The following ZBTB17 variants were observed in gnomAD, a reference collection of about 807,000 sequenced individuals.
The protein encoded by ZBTB17 is zinc finger and BTB domain containing 17, also known as zinc finger and BTB domain-containing protein 17.
ZBTB17 carries 24 observed loss-of-function variants against 85.1 expected under a neutral mutation model. The observed-to-expected ratio is 0.28, with a 90% CI of 0.20 to 0.40. The LOEUF (loss-of-function observed/expected upper bound fraction) is 0.40. Ranked by LOEUF, ZBTB17 falls within the 10% of genes least tolerant of loss-of-function variation. ZBTB17 has a pLI of 1.00. For synonymous variants in ZBTB17, 464 were observed against 460.2 expected (o/e 1.01, Z -0.11); for missense variants, 743 against 1,105.1 (o/e 0.67, Z 4.65).
Position 15,943,403 on chromosome 1 carries a change from T to G in ZBTB17, c.1693A>C (p.Lys565Gln). ...GTGTGGGGGAGGGGGCAGGACCTCT[T>G]GCCGCAGCGCTCGCAGACGTAGGGC... ...EKPYVCERCG[K>Q]RFVQSSQLAN... The change falls in exon 12 of 16, where the codon AAG (lysine) becomes CAG (glutamine). Residue 565 changes from lysine (K) to glutamine (Q), a missense_variant. Coordinates refer to ENST00000375743, the MANE Select transcript of ZBTB17 (RefSeq NM_003443.3). The G allele has an allele frequency of 1.3e-6, 2 of 1,596,594 alleles. No individual in the cohort carries two copies. The highest frequency in any genetic ancestry group is 1.7e-6 in the Non-Finnish European group (2 of 1,170,896).
chr1:15,967,464 C>T (rs1028078613), intron 2 of ZBTB17, among the ~76,000 whole-genome samples: 2 of 146,610 alleles, frequency 1.4e-5, no homozygotes, highest in African/African-American at 2.5e-5. Flanking sequence ...GGATTGCTTG[C>T]GCCCAGGAGT....
rs149795722 is a variant in ZBTB17, at chr1:15,976,069, G to A, written c.-176C>T. ...CGGCACTCCAGAGCAGACAAAGGGC[G>A]CCGCCATGTTAGAGTCGGGCGGAAC... On this transcript the variant is annotated 5_prime_UTR_variant, in exon 1 of 16. Transcript: ENST00000375743. 5.7e-5 allele frequency: 39 copies of A among 688,466 alleles called. No homozygotes were observed. Among genetic ancestry groups the A allele is most frequent in the Admixed American group, 2.5e-4 (12 of 47,766 alleles). 42.6% of individuals were successfully genotyped at this position (688,466 alleles called of 1,614,324 possible).
chr1:15,971,400 A>C (rs1206212073), intron 2 of ZBTB17, among the ~76,000 whole-genome samples: 1 of 144,772 alleles, frequency 6.9e-6, no homozygotes, highest in African/African-American at 2.6e-5. Flanking sequence ...TATACACACT[A>C]TATATATACA....
In ZBTB17 at chr1:15,945,813, G is replaced by A. The variant is rs759468700; in HGVS notation, c.563C>T (p.Ala188Val). The change falls in exon 6 of 16, where the codon GCG (alanine) becomes GTG (valine). Residue 188 changes from alanine to valine, a missense_variant. This residue lies in a region of ZBTB17 where 279 missense variants were observed against 269.9 expected (regional missense o/e 1.03). Coordinates refer to ENST00000375743, the MANE Select transcript of ZBTB17 (RefSeq NM_003443.3). ...CTCCACAGGCGGCGGCTCCCGGGGC[G>A]CATCGGCTTTCTCTGTCTGCTCTGC... ...SGAEQTEKAD[A>V]PREPPPVELK... 54 of 1,601,164 alleles carry A rather than the reference G, an allele frequency of 3.4e-5. No individual in the cohort carries two copies. Among genetic ancestry groups the A allele is most frequent in the South Asian group, 6.6e-5 (6 of 90,712 alleles).
rs1181375603 is a variant in ZBTB17 at position 15,966,034 on chromosome 1, C to T, written c.-3+7005G>A. Among the ~76,000 whole-genome samples, 2 of 152,202 alleles carry T rather than the reference C, an allele frequency of 1.3e-5. No homozygotes were observed. The highest frequency in any genetic ancestry group is 2.9e-5 in the Non-Finnish European group (2 of 68,044). On this transcript the variant is annotated intron_variant, in intron 2 of 15. Coordinates refer to ENST00000375743, the MANE Select transcript of ZBTB17 (RefSeq NM_003443.3). This position sits in a 1 kb window ranked among gnomAD's most constrained non-coding sequence, Gnocchi z 4.1. The stretch of plus-strand genomic sequence containing the variant: ...CCTTATTCTTTACACTGAACACATT[C>T]TTTTGTATGGAGTCAACATTTAACA...
chr1:15,958,415 CAA>C (rs34593133), intron 2 of ZBTB17, among the ~76,000 whole-genome samples: 7 of 84,574 alleles, frequency 8.3e-5, no homozygotes, highest in Admixed American at 1.1e-4. Flanking sequence ...CCAATACGAC[CAA>C]AAAAAAAAAA....
At chr1:15,961,097 G>C (rs376523785) in intron 2 of ZBTB17, among the ~76,000 whole-genome samples, 1 of 152,254 alleles carries the variant, frequency 6.6e-6, no homozygotes, top group African/African-American at 2.4e-5. Context: ...CTGGGCAACA[G>C]AGTGAGACCC....
intron 2 of ZBTB17, among the ~76,000 whole-genome samples, chr1:15,961,565 C>G (rs1338530533): frequency 6.6e-6 from 1 of 152,348 alleles, no homozygotes; most frequent in African/African-American, 2.4e-5. Flanking sequence ...TGCTGTCCTA[C>G]AGCAGAGTTT....
intron 2 of ZBTB17, among the ~76,000 whole-genome samples, chr1:15,961,346 T>C (rs1026777299): frequency 6.6e-6 from 1 of 152,244 alleles, no homozygotes; most frequent in Non-Finnish European, 1.5e-5. Context: ...GAAATACATA[T>C]GGCAGAAGCC....
At chr1:15,967,279 G>C (rs1476935844) in intron 2 of ZBTB17, among the ~76,000 whole-genome samples, 1 of 151,870 alleles carries the variant, frequency 6.6e-6, no homozygotes, top group African/African-American at 2.4e-5. Context: ...GGGGGGCTGA[G>C]TCAGGAAGAT....
chr1:15,944,129 C>T (rs1314232526), intron 9 of ZBTB17, 171 bp downstream of exon 9: 2 of 1,145,632 alleles, frequency 1.7e-6, no homozygotes, highest in Non-Finnish European at 2.5e-6. Context: ...CGCAGAGCAA[C>T]CGGGAGCTCC....
At chr1:15,961,187 C>T (rs1352241968) in intron 2 of ZBTB17, among the ~76,000 whole-genome samples, 3 of 152,124 alleles carry the variant, frequency 2.0e-5, no homozygotes, top group African/African-American at 4.8e-5. Context: ...GCCATGCATT[C>T]GAAGTATAAC....
intron 6 of ZBTB17, 25 bp from the exon 7 acceptor site, chr1:15,945,227 A>G: frequency 6.5e-7 from 1 of 1,548,428 alleles, no homozygotes; most frequent in Non-Finnish European, 8.7e-7. Flanking sequence ...GCAAGCATGG[A>G]GGCGGCAGCC....
chr1:15,969,819 G>A (rs965340616), intron 2 of ZBTB17: 1 of 545,776 alleles, frequency 1.8e-6, no homozygotes, highest in Non-Finnish European at 3.5e-6. Context: ...TTCCCCTGGA[G>A]TGGGTCACCA....
rs548916859 is a variant in ZBTB17, at chr1:15,966,800, C to T, written c.-3+6239G>A. ...TTCAACCATTTAAAAATTGTGGCCA[C>T]GGGAGGCTGAGGTGGGAGGATCGCT... On this transcript the variant is annotated intron_variant, in intron 2 of 15. Transcript: ENST00000375743. This position sits in a 1 kb window ranked among gnomAD's most constrained non-coding sequence, Gnocchi z 4.1. 7.9e-5 allele frequency among the ~76,000 whole-genome samples: 12 copies of T among 152,052 alleles called. No homozygotes were observed. The highest frequency in any genetic ancestry group is 6.2e-4 in the South Asian group (3 of 4,812).
chr1:15,959,056 G>T (rs900353783), intron 2 of ZBTB17, among the ~76,000 whole-genome samples: 11 of 152,186 alleles, frequency 7.2e-5, no homozygotes, highest in Non-Finnish European at 1.2e-4. Context: ...CCCTAGAAGG[G>T]TTTAGCTGGT....
chr1:15,958,963 C>T (rs1272062590), intron 2 of ZBTB17, among the ~76,000 whole-genome samples: 1 of 152,172 alleles, frequency 6.6e-6, no homozygotes, highest in South Asian at 2.1e-4. Context: ...AGGAGTCACA[C>T]TGGGACTTGA....
Position 15,945,708 on chromosome 1 carries a change from G to C in ZBTB17, c.661+7C>G, listed in dbSNP as rs768816003. 1 of 1,606,780 alleles carries C rather than the reference G, an allele frequency of 6.2e-7. No individual in the cohort carries two copies. Among genetic ancestry groups the C allele is most frequent in the Non-Finnish European group, 8.5e-7 (1 of 1,179,798 alleles). The stretch of plus-strand genomic sequence containing the variant: ...GGTAGGGCCTGGTCCTGGCTGGGCG[G>C]GGCTACCTTGCTCCGAGCTCTCGGA... On this transcript the variant is annotated splice_region_variant and intron_variant, in intron 6 of 15. Coordinates refer to ENST00000375743, the MANE Select transcript of ZBTB17 (RefSeq NM_003443.3).
At chr1:15,944,204 C>G (rs761498344) in intron 9 of ZBTB17, 96 bp downstream of exon 9, 1 of 1,481,462 alleles carries the variant, frequency 6.8e-7, no homozygotes. Flanking sequence ...TCCTGGAGGC[C>G]GGGGCTGTGC....
Sources: gnomAD v4.1 joint callset for allele counts (sites outside exome capture counted in the v4.1 genomes callset) on GRCh38, gnomAD v4.1.1 for gene constraint, gnomAD v4.1.1 regional missense constraint, Gnocchi (gnomAD v3.1) non-coding constraint, MANE v1.5 for transcripts, NCBI Gene and HGNC (gene_info 2026-07-23, HGNC 2026-07-21) for gene names.